FEM1C: variants seen among roughly 807,000 people sequenced by gnomAD.
FEM1C encodes the protein protein fem-1 homolog C.
A neutral mutation model predicts 37.6 loss-of-function variants in FEM1C; 15 were observed. That is an observed-to-expected ratio of 0.40 (90% CI 0.27 to 0.61). FEM1C has a LOEUF of 0.61. Among genes scored for constraint, FEM1C ranks in the 20% least tolerant of loss-of-function variants. The pLI, the probability that FEM1C is intolerant of heterozygous loss-of-function variation, is 0.42. For missense variants in FEM1C, 532 were observed against 749.7 expected, an observed-to-expected ratio of 0.71 and a Z score of 3.39; for synonymous variants, 287 against 272.8, an observed-to-expected ratio of 1.05 and a Z score of -0.51.
chr5:115,540,305 C>G (rs1754213062), intron 2 of FEM1C, among the ~76,000 whole-genome samples: 1 of 152,000 alleles, frequency 6.6e-6, no homozygotes, highest in South Asian at 2.1e-4. Flanking sequence ...CCCCAACATT[C>G]ATGAAGAATC....
At position 115,523,959 on chromosome 5, in the gene FEM1C, T is replaced by C. The variant is rs915581142; in HGVS notation, c.*349A>G. ...AGCAAGAAAAAAAGACTTTCAATTG[T>C]ATAAAATTCACAAACCAGTAAAGTA... On this transcript the variant is annotated 3_prime_UTR_variant, in exon 3 of 3. Transcript: ENST00000274457. The C allele has an allele frequency of 5.2e-6, 1 of 193,464 alleles. No homozygotes were observed. Among genetic ancestry groups the C allele is most frequent in the South Asian group, 1.0e-4 (1 of 9,684 alleles). The allele number at this position is 193,464 out of a possible 1,614,324, so 12.0% of individuals were successfully genotyped here.
chr5:115,527,544 T>C (rs1248063149), intron 2 of FEM1C, among the ~76,000 whole-genome samples: 2 of 152,190 alleles, frequency 1.3e-5, no homozygotes, highest in African/African-American at 4.8e-5. Flanking sequence ...CAATTAAACA[T>C]GACTACTACA....
intron 2 of FEM1C, among the ~76,000 whole-genome samples, chr5:115,529,036 GAGACTATA>G (rs990622819): frequency 6.6e-6 from 1 of 151,968 alleles, no homozygotes; most frequent in Non-Finnish European, 1.5e-5. Context: ...AGAAAAGATG[GAGACTATA>G]AGAGAAAGAG....
At position 115,543,356 on chromosome 5, in the gene FEM1C, C is replaced by T. The variant is rs765696265; in HGVS notation, c.138G>A (p.Leu46=). The change falls in exon 2 of 3, where the codon TTG becomes TTA. Residue 46 remains leucine (L), a synonymous_variant. Coordinates refer to ENST00000274457, the MANE Select transcript of FEM1C (RefSeq NM_020177.3). ...CAAGGTGCCCATACCTGGCGGCCAT[C>T]AAGAGTGGCGTGGCCCCATTTGTTT... ...SEKTNGATPL[L]MAARYGHLDM... The T allele has an allele frequency of 8.1e-6, 13 of 1,614,128 alleles. No homozygotes were observed. Among genetic ancestry groups the T allele is most frequent in the Admixed American group, 6.7e-5 (4 of 60,006 alleles).
intron 2 of FEM1C, among the ~76,000 whole-genome samples, chr5:115,540,235 G>A (rs376068448): frequency 3.9e-5 from 6 of 152,154 alleles, no homozygotes; most frequent in African/African-American, 1.4e-4. Flanking sequence ...ACCAATGAGA[G>A]AATGAGCAGT....
chr5:115,544,227 G>C, intron 1 of FEM1C: 1 of 967,052 alleles, frequency 1.0e-6, no homozygotes, highest in Non-Finnish European at 1.2e-6. Flanking sequence ...CTGCCTTTTA[G>C]TCATTAACTT....
Position 115,543,345 on chromosome 5 carries a change from C to T in FEM1C, c.149G>A (p.Arg50Lys). The change falls in exon 2 of 3, where the codon AGG (arginine) becomes AAG (lysine). Residue 50 changes from arginine (R) to lysine (K), a missense_variant. By Grantham distance (26) the Arg-to-Lys change is conservative. Transcript: ENST00000274457. The stretch of plus-strand genomic sequence containing the variant: ...TTCCACCATGTCAAGGTGCCCATAC[C>T]TGGCGGCCATCAAGAGTGGCGTGGC... ...NGATPLLMAARYGHLDMVEFL... is the reference protein window; with the variant it reads ...NGATPLLMAAKYGHLDMVEFL... 1 of 1,614,216 alleles carries T rather than the reference C, an allele frequency of 6.2e-7. No individual in the cohort carries two copies. The highest frequency in any genetic ancestry group is 1.1e-5 in the South Asian group (1 of 91,084).
rs751643044 is a variant in FEM1C, at chr5:115,525,493, C to T, written c.669G>A (p.Val223=). 3 of 1,613,550 alleles carry T rather than the reference C, an allele frequency of 1.9e-6. No homozygotes were observed. The African/African-American group carries it at 4.0e-5, about 22-fold the overall frequency. Residue 223 remains valine (V), a synonymous_variant, in exon 3 of 3, where the codon GTG becomes GTA. Transcript: ENST00000274457. ...AATCCACAATATTTGTGTGACCAGTCACACTTGCTGAGAGAAGGGGAGTCA... is the reference window on the plus strand; with the variant it reads ...AATCCACAATATTTGTGTGACCAGTTACACTTGCTGAGAGAAGGGGAGTCA... ...YGMTPLLSAS[V]TGHTNIVDFL... is the part of the protein sequence containing the mutation.
intron 2 of FEM1C, 105 bp from the exon 3 acceptor site, chr5:115,525,722 G>A: frequency 1.1e-6 from 1 of 903,742 alleles, no homozygotes; most frequent in Non-Finnish European, 1.6e-6. Context: ...GAAGCTTTAA[G>A]TTCCTAAGTA....
intron 2 of FEM1C, among the ~76,000 whole-genome samples, chr5:115,540,456 T>C (rs762484840): frequency 1.1e-4 from 17 of 152,076 alleles, no homozygotes; most frequent in Non-Finnish European, 1.6e-4. Context: ...ATGTTATATG[T>C]AGTTTTTTTA....
At chr5:115,526,363 T>C (rs1753893152) in intron 2 of FEM1C, among the ~76,000 whole-genome samples, 1 of 152,164 alleles carries the variant, frequency 6.6e-6, no homozygotes, top group African/African-American at 2.4e-5. Context: ...TGGTTCAATA[T>C]GAACTTTAAA....
chr5:115,541,775 A>C (rs1050670523), intron 2 of FEM1C, among the ~76,000 whole-genome samples: 15 of 152,220 alleles, frequency 9.9e-5, no homozygotes, highest in African/African-American at 3.6e-4. Flanking sequence ...GGTTAGAAAA[A>C]TAAATAAAGA....
chr5:115,543,112 G>A lies in FEM1C; in HGVS notation c.382C>T (p.His128Tyr). 2 of 1,614,166 alleles carry A rather than the reference G, an allele frequency of 1.2e-6. No homozygotes were observed. Among genetic ancestry groups the A allele is most frequent in the East Asian group, 2.2e-5 (1 of 44,876 alleles). ...ACAAGGTACTTCACTATTTCCAAAT[G>A]GCCATCGAAACACGCAGCTCGAAGA... The part of the protein sequence containing the change: ...TPLRAACFDG[H>Y]LEIVKYLVEH... Residue 128 changes from histidine to tyrosine, a missense_variant, in exon 2 of 3, where the codon CAT becomes TAT. Coordinates refer to ENST00000274457, the MANE Select transcript of FEM1C (RefSeq NM_020177.3).
rs1753766470 is a variant in FEM1C, at chr5:115,521,190, C to A, written c.*3118G>T. 6.6e-6 allele frequency: 1 copy of A among 151,604 alleles called. No individual in the cohort carries two copies. The highest frequency in any genetic ancestry group is 2.1e-4 in the South Asian group (1 of 4,820). The allele number at this position is 151,604 out of a possible 1,614,324, so 9.4% of individuals were successfully genotyped here. A position where few individuals can be genotyped will look rare whatever the true frequency, so the allele number is the denominator to read the frequency against. On this transcript the variant is annotated 3_prime_UTR_variant, in exon 3 of 3. Coordinates refer to ENST00000274457, the MANE Select transcript of FEM1C (RefSeq NM_020177.3). Reference sequence around the variant, plus strand: ...GTTCTAGGCAATAATGCTGCTGTTACAGTGTAAAAGAGTATGTCATTATCT... The same window carrying A: ...GTTCTAGGCAATAATGCTGCTGTTAAAGTGTAAAAGAGTATGTCATTATCT...
At chr5:115,535,599 GAAC>G (rs1754109229) in intron 2 of FEM1C, among the ~76,000 whole-genome samples, 1 of 151,782 alleles carries the variant, frequency 6.6e-6, no homozygotes, top group Non-Finnish European at 1.5e-5. Flanking sequence ...AGAAGAAGAA[GAAC>G]AAGTGTTGGA....
At chr5:115,530,954 A>G (rs1754002271) in intron 2 of FEM1C, among the ~76,000 whole-genome samples, 1 of 152,068 alleles carries the variant, frequency 6.6e-6, no homozygotes, top group Non-Finnish European at 1.5e-5. Context: ...GTAAAAAAAA[A>G]AAATTAATGA....
chr5:115,521,078 C>CAAAAAA lies in FEM1C; in HGVS notation c.*3224_*3229dup, dbSNP rs11330098. On this transcript the variant is annotated 3_prime_UTR_variant, in exon 3 of 3. Coordinates refer to ENST00000274457, the MANE Select transcript of FEM1C (RefSeq NM_020177.3). ...CTAGTTGTTTAGTGACACATAAGGG[C>CAAAAAA]AAAAAAAAAAAAAAGAAAAAGAAAA... 1.2e-5 allele frequency: 1 copy of CAAAAAA among 80,946 alleles called. No homozygotes were observed. Among genetic ancestry groups the CAAAAAA allele is most frequent in the African/African-American group, 4.1e-5 (1 of 24,148 alleles). The allele number at this position is 80,946 out of a possible 1,614,324, so 5.0% of individuals were successfully genotyped here.
chr5:115,531,030 C>T (rs1040196801), intron 2 of FEM1C, among the ~76,000 whole-genome samples: 1 of 151,830 alleles, frequency 6.6e-6, no homozygotes, highest in African/African-American at 2.4e-5. Flanking sequence ...ACTGTTGCCC[C>T]CTTTTAATCT....
At position 115,524,535 on chromosome 5, in the gene FEM1C, T is replaced by A; in HGVS notation, c.1627A>T (p.Ile543Phe). ...CCTGATTTAATAAGGAGATTCATGA[T>A]GTCTGGATGGTTGTTAAGAGCAGCG... is the stretch of plus-strand genomic sequence containing the variant. ...HIAALNNHPD[I>F]MNLLIKSGAH... is the part of the protein sequence containing the mutation. Residue 543 changes from isoleucine to phenylalanine, a missense_variant, in exon 3 of 3, where the codon ATC becomes TTC. Ile to Phe is a conservative substitution (Grantham distance 21). Coordinates refer to ENST00000274457, the MANE Select transcript of FEM1C (RefSeq NM_020177.3). 6.2e-7 allele frequency: 1 copy of A among 1,613,454 alleles called. No individual in the cohort carries two copies. The highest frequency in any genetic ancestry group is 1.1e-5 in the South Asian group (1 of 91,018).
Sources: allele counts gnomAD v4.1 joint callset (sites outside exome capture counted in the v4.1 genomes callset), GRCh38; gene constraint gnomAD v4.1.1; transcripts MANE v1.5; gene names NCBI Gene and HGNC (gene_info 2026-07-23, HGNC 2026-07-21).